The following MALRD1 variants were observed in gnomAD, a reference collection of about 807,000 sequenced individuals.
MALRD1 encodes MAM and LDL-receptor class A domain-containing protein 1.
In MALRD1, 247 loss-of-function variants were observed where a neutral mutation model predicts 242.1. That is an observed-to-expected ratio of 1.02 (90% CI 0.92 to 1.13). The LOEUF is 1.13. MALRD1 is among the 50% of genes most tolerant of loss of function. The pLI, the probability that MALRD1 is intolerant of heterozygous loss-of-function variation, is 0.00. For missense variants in MALRD1, 2,989 were observed against 2,533.1 expected (o/e 1.18, Z -3.86); for synonymous variants, 995 against 866.6 (o/e 1.15, Z -2.60).
chr10:19,603,889 G>A (rs992777431), intron 34 of MALRD1, among the ~76,000 whole-genome samples: 9 of 152,100 alleles, frequency 5.9e-5, no homozygotes, highest in Non-Finnish European at 1.3e-4. Flanking sequence ...GATAAATGTT[G>A]TGTATGTTCT....
chr10:19,325,293 T>G (rs1174325650), intron 22 of MALRD1, among the ~76,000 whole-genome samples: 1 of 152,082 alleles, frequency 6.6e-6, no homozygotes, highest in Non-Finnish European at 1.5e-5. Flanking sequence ...TCCATGTCTC[T>G]CTAAAAAGGC....
At chr10:19,348,317 A>AT (rs769348677) in intron 25 of MALRD1, among the ~76,000 whole-genome samples, 4 of 152,178 alleles carry the variant, frequency 2.6e-5, no homozygotes, top group African/African-American at 4.8e-5. Flanking sequence ...GAAGTAAGAT[A>AT]TCAGTTGTTT....
chr10:19,601,526 T>G (rs748800738), intron 34 of MALRD1, among the ~76,000 whole-genome samples: 24 of 152,100 alleles, frequency 1.6e-4, no homozygotes, highest in Admixed American at 9.2e-4. Context: ...CAACAGAAAC[T>G]AATATTTTTG....
At chr10:19,408,142 A>G (rs533286729) in intron 28 of MALRD1, among the ~76,000 whole-genome samples, 35 of 152,288 alleles carry the variant, frequency 2.3e-4, no homozygotes, top group African/African-American at 7.7e-4. Flanking sequence ...GGAAAACAGG[A>G]AGGGAAAGGA....
chr10:19,476,193 G>A (rs59945095), intron 29 of MALRD1, among the ~76,000 whole-genome samples: 6,502 of 152,044 alleles, frequency 0.043, 466 homozygotes, highest in African/African-American at 0.15. Flanking sequence ...AGGTGTTTAC[G>A]GAAATGTGCT....
intron 36 of MALRD1, among the ~76,000 whole-genome samples, chr10:19,655,538 ATATATATATATATAT>A (rs1260713887): frequency 2.8e-5 from 1 of 35,700 alleles, no homozygotes; most frequent in Non-Finnish European, 5.1e-5. Flanking sequence ...GTGTATATAT[ATATATATATATATAT>A]ATATATATAT....
chr10:19,185,904 G>A (rs1019380463), intron 14 of MALRD1, among the ~76,000 whole-genome samples: 2 of 151,534 alleles, frequency 1.3e-5, no homozygotes, highest in African/African-American at 4.8e-5. Context: ...TTCTGAGTAG[G>A]CCTTTTTGGC....
intron 33 of MALRD1, among the ~76,000 whole-genome samples, chr10:19,583,654 A>G (rs1228178338): frequency 1.3e-5 from 2 of 152,200 alleles, no homozygotes; most frequent in African/African-American, 2.4e-5. Context: ...TTTTGCATCA[A>G]TGTTCATCAA....
rs529000033 is a variant in MALRD1, at chr10:19,142,171, C to CAAAAAAA, written c.1412-4007_1412-4001dup. On this transcript the variant is annotated intron_variant, in intron 10 of 39. Coordinates refer to ENST00000454679, the MANE Select transcript of MALRD1 (RefSeq NM_001142308.3). ...TGGGCGACAGAGCGAGACTCTAACT[C>CAAAAAAA]AAAAAAAAAAAAAAAAAAAAAAAAA... Among the ~76,000 whole-genome samples the CAAAAAAA allele has an allele frequency of 1.3e-3, 34 of 26,276 alleles. 2 individuals carry two copies. Among genetic ancestry groups the CAAAAAAA allele is most frequent in the African/African-American group, 5.6e-3 (33 of 5,870 alleles). The allele number at this position is 26,276 out of a possible 152,430, so 17.2% of individuals were successfully genotyped here.
chr10:19,498,345 G>A, intron 30 of MALRD1, 140 bp from the exon 31 acceptor site: 1 of 741,020 alleles, frequency 1.3e-6, no homozygotes, highest in South Asian at 2.3e-5. Context: ...TTAACAATGA[G>A]TACAAATGTC....
intron 21 of MALRD1, among the ~76,000 whole-genome samples, chr10:19,322,138 A>G (rs892564727): frequency 6.6e-6 from 1 of 152,148 alleles, no homozygotes; most frequent in African/African-American, 2.4e-5. Context: ...GCTTAAAGAA[A>G]GATTTACAGG....
intron 1 of MALRD1, among the ~76,000 whole-genome samples, chr10:19,049,872 G>A (rs185597777): frequency 6.6e-6 from 1 of 152,268 alleles, no homozygotes; most frequent in Non-Finnish European, 1.5e-5. Context: ...GTACGTTCCT[G>A]TCATTTCTAT....
intron 26 of MALRD1, among the ~76,000 whole-genome samples, chr10:19,358,636 T>C (rs1485111183): frequency 1.3e-5 from 2 of 152,228 alleles, no homozygotes; most frequent in East Asian, 3.8e-4. Flanking sequence ...CTTTACGTTC[T>C]GTACCATGGG....
chr10:19,049,378 AT>A (rs1393743389), intron 1 of MALRD1, among the ~76,000 whole-genome samples: 1 of 152,182 alleles, frequency 6.6e-6, no homozygotes, highest in African/African-American at 2.4e-5. Flanking sequence ...GTTTTTACTG[AT>A]TATGAAGAAG....
At chr10:19,312,400 A>ATATATATATATATATATATG (rs1491220851) in intron 21 of MALRD1, among the ~76,000 whole-genome samples, 14 of 143,592 alleles carry the variant, frequency 9.7e-5, no homozygotes, top group African/African-American at 3.6e-4. Flanking sequence ...ATATATATAT[A>ATATATATATATATATATATG]TGTGTATATG....
chr10:19,487,732 C>T (rs1399094023), intron 29 of MALRD1, among the ~76,000 whole-genome samples: 1 of 152,108 alleles, frequency 6.6e-6, no homozygotes, highest in Non-Finnish European at 1.5e-5. Context: ...AATTTTGTGG[C>T]AAAGTTCCTA....
intron 19 of MALRD1, 95 bp from the exon 20 acceptor site, chr10:19,279,952 G>T: frequency 1.0e-6 from 1 of 981,466 alleles, no homozygotes; most frequent in Non-Finnish European, 1.4e-6. Context: ...TGATATTGTG[G>T]GGCATATTTA....
At chr10:19,142,810 C>T (rs968565552) in intron 10 of MALRD1, among the ~76,000 whole-genome samples, 6 of 152,106 alleles carry the variant, frequency 3.9e-5, no homozygotes, top group African/African-American at 7.2e-5. Flanking sequence ...TTGACTCTCC[C>T]GGCTTTCTTC....
intron 32 of MALRD1, among the ~76,000 whole-genome samples, chr10:19,548,345 T>C (rs1409917129): frequency 6.6e-6 from 1 of 152,106 alleles, no homozygotes; most frequent in East Asian, 1.9e-4. Context: ...TTTTCTTTCT[T>C]ATTCCCAGTG....
Sources: allele counts gnomAD v4.1 joint callset (sites outside exome capture counted in the v4.1 genomes callset), GRCh38; gene constraint gnomAD v4.1.1; transcripts MANE v1.5; gene names NCBI Gene and HGNC (gene_info 2026-07-23, HGNC 2026-07-21).